The following SPATA16 variants were observed in gnomAD, a reference collection of about 807,000 sequenced individuals.
SPATA16 encodes the protein spermatogenesis-associated protein 16.
In SPATA16, 36 loss-of-function variants were observed where a neutral mutation model predicts 63.3. The observed-to-expected ratio is 0.57, with a 90% confidence interval of 0.44 to 0.75. The LOEUF (loss-of-function observed/expected upper bound fraction) is 0.75. Ranked by LOEUF, SPATA16 falls within the 30% of genes least tolerant of loss-of-function variation. SPATA16 has a pLI of 0.00. For synonymous variants in SPATA16, 203 were observed against 216.7 expected (o/e 0.94, Z 0.56); for missense variants, 646 against 679.3 (o/e 0.95, Z 0.54).
chr3:173,064,042 C>T (rs1041651411), intron 2 of SPATA16, among the ~76,000 whole-genome samples: 5 of 152,136 alleles, frequency 3.3e-5, no homozygotes, highest in Non-Finnish European at 7.4e-5. Flanking sequence ...TGCAGTGGCT[C>T]ATGCCTGTAA....
Position 172,925,437 on chromosome 3 carries a change from G to A in SPATA16, c.1137C>T (p.Pro379=). ...ACCCAAGAGTCAAGAGATATTGTTG[G>A]GGAGGAAAAGATGACCAGTCAACTG... ...PQTVDWSSFP[P]QQYLLTLGFK... Residue 379 remains proline (P), a synonymous_variant, in exon 7 of 11, where the codon CCC becomes CCT. Transcript: ENST00000351008. 1 of 1,613,956 alleles carries A rather than the reference G, an allele frequency of 6.2e-7. No homozygotes were observed. The highest frequency in any genetic ancestry group is 1.7e-5 in the Admixed American group (1 of 60,000).
intron 4 of SPATA16, among the ~76,000 whole-genome samples, chr3:172,991,772 A>G (rs1157461878): frequency 6.6e-6 from 1 of 152,218 alleles, no homozygotes; most frequent in African/African-American, 2.4e-5. Flanking sequence ...TCCTTAGGTA[A>G]AAAGGGGACA....
intron 4 of SPATA16, among the ~76,000 whole-genome samples, chr3:172,997,763 A>G (rs900517517): frequency 4.6e-5 from 7 of 152,122 alleles, no homozygotes; most frequent in Non-Finnish European, 8.8e-5. Context: ...CCATTTTGAG[A>G]CAATTTTTCG....
intron 3 of SPATA16, among the ~76,000 whole-genome samples, chr3:173,046,473 G>A (rs886782504): frequency 5.9e-5 from 9 of 151,844 alleles, no homozygotes; most frequent in South Asian, 2.1e-4. Context: ...AACAATAGAA[G>A]CAAAACTACA....
intron 5 of SPATA16, among the ~76,000 whole-genome samples, chr3:172,968,120 C>G (rs1444029882): frequency 6.6e-6 from 1 of 152,202 alleles, no homozygotes; most frequent in African/African-American, 2.4e-5. Context: ...GAAGCGGGGA[C>G]TGTATCAGCT....
intron 2 of SPATA16, among the ~76,000 whole-genome samples, chr3:173,093,768 A>T (rs6796466): frequency 0.029 from 4,425 of 152,198 alleles, 193 homozygotes; most frequent in African/African-American, 0.1. Flanking sequence ...TGATACAGTC[A>T]CTCCTTACAC....
intron 3 of SPATA16, among the ~76,000 whole-genome samples, chr3:173,028,395 T>A (rs1055970067): frequency 5.9e-5 from 9 of 151,864 alleles, no homozygotes; most frequent in African/African-American, 2.2e-4. Context: ...GTAAGTATGA[T>A]CTGTGTTATT....
At chr3:173,083,994 G>C (rs1736985163) in intron 2 of SPATA16, among the ~76,000 whole-genome samples, 1 of 152,262 alleles carries the variant, frequency 6.6e-6, no homozygotes, top group South Asian at 2.1e-4. Flanking sequence ...ATGCATGCAT[G>C]TATCTTTATA....
chr3:173,137,999 G>A (rs151311497), intron 1 of SPATA16, among the ~76,000 whole-genome samples: 34 of 152,074 alleles, frequency 2.2e-4, no homozygotes, highest in African/African-American at 7.7e-4. Context: ...CTGTTCAACA[G>A]GAATGAGAAG....
rs374763194 is a variant in SPATA16, at chr3:172,958,776, T to C, written c.934-1952A>G. Among the ~76,000 whole-genome samples the C allele has an allele frequency of 1.4e-4, 22 of 152,244 alleles. 3 individuals carry two copies. Among genetic ancestry groups the C allele is most frequent in the Middle Eastern group, 6.8e-3 (2 of 294 alleles). ...GTCTTCACATGGTCATTCCTCTTTG[T>C]GTGTGTGCACGCACGTGTGTGTGTG... On this transcript the variant is annotated intron_variant, in intron 5 of 10. Coordinates refer to ENST00000351008, the MANE Select transcript of SPATA16 (RefSeq NM_031955.6).
intron 2 of SPATA16, among the ~76,000 whole-genome samples, chr3:173,087,986 T>C (rs558963527): frequency 6.6e-6 from 1 of 151,776 alleles, no homozygotes; most frequent in East Asian, 1.9e-4. Flanking sequence ...TTGGAGAATC[T>C]GATGATTAGC....
chr3:173,088,735 T>G (rs1006126074), intron 2 of SPATA16, among the ~76,000 whole-genome samples: 2 of 152,172 alleles, frequency 1.3e-5, no homozygotes, highest in African/African-American at 4.8e-5. Context: ...TCAGATTATA[T>G]TTCATGGATG....
chr3:172,925,191 C>T (rs999117514), intron 7 of SPATA16, among the ~76,000 whole-genome samples, 155 bp downstream of exon 7: 2 of 152,156 alleles, frequency 1.3e-5, no homozygotes, highest in Non-Finnish European at 2.9e-5. Flanking sequence ...TGTGTGTGTT[C>T]TTGGGGAAAG....
At chr3:173,136,351 A>T (rs1482353502) in intron 1 of SPATA16, among the ~76,000 whole-genome samples, 1 of 151,948 alleles carries the variant, frequency 6.6e-6, no homozygotes, top group Non-Finnish European at 1.5e-5. Context: ...TTTAAAAATA[A>T]TTTTTTATTT....
intron 10 of SPATA16, among the ~76,000 whole-genome samples, chr3:172,893,686 C>G (rs1300188981): frequency 6.6e-6 from 1 of 152,200 alleles, no homozygotes; most frequent in Non-Finnish European, 1.5e-5. Flanking sequence ...CTGATGTTCC[C>G]TACTTGGTTG....
chr3:173,006,471 GA>G (rs1734947995), intron 4 of SPATA16, among the ~76,000 whole-genome samples: 1 of 152,176 alleles, frequency 6.6e-6, no homozygotes, highest in African/African-American at 2.4e-5. Context: ...TGTATTTTTA[GA>G]ATCTTGCATG....
chr3:173,041,873 C>T (rs1735847614), intron 3 of SPATA16, among the ~76,000 whole-genome samples: 1 of 151,980 alleles, frequency 6.6e-6, no homozygotes, highest in African/African-American at 2.4e-5. Context: ...TTAATGGGTG[C>T]AGCACACCAA....
At chr3:172,994,621 A>T (rs984810754) in intron 4 of SPATA16, among the ~76,000 whole-genome samples, 2 of 152,054 alleles carry the variant, frequency 1.3e-5, no homozygotes, top group African/African-American at 2.4e-5. Flanking sequence ...ATAATTTTTA[A>T]TTTTTTCTGG....
At chr3:172,923,710 A>G (rs1732664978) in intron 8 of SPATA16, among the ~76,000 whole-genome samples, 1 of 152,222 alleles carries the variant, frequency 6.6e-6, no homozygotes, top group Non-Finnish European at 1.5e-5. Context: ...GATCATAGAA[A>G]GAGATTAGAT....
Sources: allele counts gnomAD v4.1 joint callset (sites outside exome capture counted in the v4.1 genomes callset), GRCh38; gene constraint gnomAD v4.1.1; transcripts MANE v1.5; gene names NCBI Gene and HGNC (gene_info 2026-07-23, HGNC 2026-07-21).